The following PCDHA11 variants were observed in gnomAD, a reference collection of about 807,000 sequenced individuals.
PCDHA11 encodes the protein protocadherin alpha-11.
Under a neutral mutation model 70.3 loss-of-function variants are expected in PCDHA11, and 61 were observed. The observed-to-expected ratio is 0.87, with a 90% confidence interval of 0.71 to 1.07. PCDHA11 has a LOEUF of 1.07. Among genes scored for constraint, PCDHA11 ranks in the 50% least tolerant of loss-of-function variants. The probability of loss-of-function intolerance (pLI) is 0.00; values close to 1 mark genes in which losing one functional copy is unlikely to be tolerated. For missense variants in PCDHA11, 1,324 were observed against 1,237.5 expected (o/e 1.07, Z -1.05); for synonymous variants, 633 against 555.1 (o/e 1.14, Z -1.97).
intron 1 of PCDHA11, among the ~76,000 whole-genome samples, chr5:140,975,626 G>A (rs1234889198): frequency 6.6e-6 from 1 of 152,156 alleles, no homozygotes; most frequent in African/African-American, 2.4e-5. Flanking sequence ...GATTTCCATG[G>A]TACGAAGATA....
In PCDHA11 at chr5:140,870,786, G is replaced by T; in HGVS notation, c.1683G>T (p.Ala561=). ...TCGTGCTGGACGAGAACGACAACGC[G>T]CCGGCACTGCTGGCGACTCAGGCTG... The part of the protein sequence containing the change: ...QVFVLDENDN[A]PALLATQAGS... Residue 561 remains alanine (A), a synonymous_variant, in exon 1 of 4, where the codon GCG becomes GCT. Coordinates refer to ENST00000398640, the MANE Select transcript of PCDHA11 (RefSeq NM_018902.5). 1 of 1,613,634 alleles carries T rather than the reference G, an allele frequency of 6.2e-7. No individual in the cohort carries two copies. The highest frequency in any genetic ancestry group is 2.2e-5 in the East Asian group (1 of 44,874).
intron 3 of PCDHA11, among the ~76,000 whole-genome samples, chr5:141,000,691 G>A (rs1177204689): frequency 3.3e-5 from 5 of 151,460 alleles, no homozygotes; most frequent in African/African-American, 1.2e-4. Flanking sequence ...GCCTCCCAAA[G>A]TGCTGGGATT....
At position 140,971,106 on chromosome 5, in the gene PCDHA11, G is replaced by T. The variant is rs529915701; in HGVS notation, c.2392-7843G>T. Among the ~76,000 whole-genome samples, 46 of 152,304 alleles carry T rather than the reference G, an allele frequency of 3.0e-4. No homozygotes were observed. In the South Asian group the frequency reaches 4.1e-3, roughly 14 times the overall value. ...AACAAATTCTTGTGAAGCCCTTTGG[G>T]ATTGGGGTGGGCTACAGGTGGTGAA... is the stretch of plus-strand genomic sequence containing the variant. On this transcript the variant is annotated intron_variant, in intron 1 of 3. Transcript: ENST00000398640.
chr5:140,899,253 A>T (rs1340284203), intron 1 of PCDHA11, among the ~76,000 whole-genome samples: 1 of 152,284 alleles, frequency 6.6e-6, no homozygotes, highest in East Asian at 1.9e-4. Context: ...GAGAGAGGGC[A>T]TCCCTGTCTT....
At position 140,966,655 on chromosome 5, in the gene PCDHA11, G is replaced by T. The variant is rs576875582; in HGVS notation, c.2392-12294G>T. The T allele has an allele frequency of 2.6e-5, 31 of 1,195,250 alleles. No homozygotes were observed. In the South Asian group the frequency reaches 4.0e-4, roughly 15 times the overall value. 74.0% of individuals were successfully genotyped at this position (1,195,250 alleles called of 1,614,324 possible). On this transcript the variant is annotated intron_variant, in intron 1 of 3. Coordinates refer to ENST00000398640, the MANE Select transcript of PCDHA11 (RefSeq NM_018902.5). ...AGGCGCTTTCTAGAGCGTGAGCGGT[G>T]GGGGAGCAGGCGCAGGGTGGCACGA...
chr5:140,973,242 ATTC>A (rs1295527172), intron 1 of PCDHA11, among the ~76,000 whole-genome samples: 1 of 152,170 alleles, frequency 6.6e-6, no homozygotes, highest in Non-Finnish European at 1.5e-5. Context: ...GAAAGAGTTA[ATTC>A]TTCTTTCAGT....
In PCDHA11 at chr5:140,967,305, A is replaced by G. The variant is rs782005994; in HGVS notation, c.2392-11644A>G. On this transcript the variant is annotated intron_variant, in intron 1 of 3. Transcript: ENST00000398640. ...GCGCAGGACCCCGACGTGGGCGCCA[A>G]CTCAGTACAGACCTACGAGCTCAGC... The G allele has an allele frequency of 5.7e-5, 92 of 1,612,346 alleles. 1 individual carries two copies. The South Asian group carries it at 9.7e-4, about 17-fold the overall frequency.
rs782564746 is a variant in PCDHA11 at position 140,871,379 on chromosome 5, C to T, written c.2276C>T (p.Ser759Phe). 2.2e-5 allele frequency: 36 copies of T among 1,614,072 alleles called. No homozygotes were observed. Among genetic ancestry groups the T allele is most frequent in the Non-Finnish European group, 2.8e-5 (33 of 1,180,034 alleles). The change falls in exon 1 of 4, where the codon TCT becomes TTT. Residue 759 changes from serine (S) to phenylalanine (F), a missense_variant. Ser to Phe is a radical substitution (Grantham distance 155). Transcript: ENST00000398640. ...CAGCAGAGGCGGCAGAGGGTGTGCT[C>T]TGAGGAGGGCCCACCTAAGACGGAC... ...YSQQRRQRVC[S>F]EEGPPKTDLM... is the part of the protein sequence containing the mutation.
At chr5:140,880,317 A>C (rs1295276378) in intron 1 of PCDHA11, among the ~76,000 whole-genome samples, 1 of 152,248 alleles carries the variant, frequency 6.6e-6, no homozygotes, top group East Asian at 1.9e-4. Flanking sequence ...ACAAGTAAAA[A>C]ATAAGATACT....
At chr5:140,988,828 A>C (rs1554250455) in intron 3 of PCDHA11, 1 of 152,170 alleles carries the variant, frequency 6.6e-6, no homozygotes, top group Non-Finnish European at 1.5e-5. Flanking sequence ...CCAAACAGAG[A>C]TCACGTGTCT....
chr5:140,882,577 C>G, intron 1 of PCDHA11: 3 of 1,614,238 alleles, frequency 1.9e-6, no homozygotes, highest in Non-Finnish European at 2.5e-6. Flanking sequence ...CGGAGTGCAG[C>G]ATCCACCTGG....
At chr5:140,906,257 C>A (rs1394766953) in intron 1 of PCDHA11, among the ~76,000 whole-genome samples, 2 of 152,168 alleles carry the variant, frequency 1.3e-5, no homozygotes, top group Non-Finnish European at 2.9e-5. Flanking sequence ...ATACACACCT[C>A]CTGAAATTAT....
At chr5:140,895,802 C>CTGTAT (rs1289601886) in intron 1 of PCDHA11, among the ~76,000 whole-genome samples, 86 of 152,166 alleles carry the variant, frequency 5.7e-4, no homozygotes, top group African/African-American at 1.6e-3. Context: ...ATGTACAATA[C>CTGTAT]TGTATTGTAT....
At chr5:140,959,234 G>A (rs2095475246) in intron 1 of PCDHA11, among the ~76,000 whole-genome samples, 2 of 152,106 alleles carry the variant, frequency 1.3e-5, no homozygotes, top group Admixed American at 6.5e-5. Context: ...AAAATTATCT[G>A]GGCATGATAG....
chr5:140,884,460 C>A (rs782410675), intron 1 of PCDHA11: 72 of 1,613,614 alleles, frequency 4.5e-5, no homozygotes, highest in Non-Finnish European at 5.8e-5. Context: ...ACCGAGGGCG[C>A]GTGCGCGCCG....
chr5:140,977,850 T>C (rs1416064195), intron 1 of PCDHA11, among the ~76,000 whole-genome samples: 5 of 152,236 alleles, frequency 3.3e-5, no homozygotes, highest in African/African-American at 1.2e-4. Flanking sequence ...TATGGCTTTG[T>C]TTCTACCAAA....
At chr5:140,890,248 A>G (rs2062564503) in intron 1 of PCDHA11, among the ~76,000 whole-genome samples, 1 of 152,096 alleles carries the variant, frequency 6.6e-6, no homozygotes, top group Non-Finnish European at 1.5e-5. Context: ...CCAGTACACT[A>G]CTGCACCTGA....
At chr5:140,883,635 C>T (rs997170789) in intron 1 of PCDHA11, 1 of 1,613,182 alleles carries the variant, frequency 6.2e-7, no homozygotes, top group Non-Finnish European at 8.5e-7. Flanking sequence ...CCGGCGTTCG[C>T]GCAGCCCGAG....
At chr5:140,898,677 T>C (rs1197350501) in intron 1 of PCDHA11, among the ~76,000 whole-genome samples, 2 of 152,222 alleles carry the variant, frequency 1.3e-5, no homozygotes, top group Non-Finnish European at 2.9e-5. Flanking sequence ...TTGCGGGCTG[T>C]TTTTTGGTTC....
Sources: allele counts gnomAD v4.1 joint callset (sites outside exome capture counted in the v4.1 genomes callset), GRCh38; gene constraint gnomAD v4.1.1; transcripts MANE v1.5; gene names NCBI Gene and HGNC (gene_info 2026-07-23, HGNC 2026-07-21).